FOXP1: variants seen among roughly 807,000 people sequenced by gnomAD.
The protein encoded by FOXP1 is forkhead box P1.
FOXP1 carries 15 observed loss-of-function variants against 98.2 expected under a neutral mutation model. The ratio of observed to expected loss-of-function variants is 0.15; its 90% CI spans 0.10 to 0.24. The LOEUF (loss-of-function observed/expected upper bound fraction) is 0.24, where lower values mean the gene tolerates loss of function less well. Ranked by LOEUF, FOXP1 falls within the 10% of genes least tolerant of loss-of-function variation. The probability of loss-of-function intolerance (pLI) is 1.00; values close to 1 mark genes in which losing one functional copy is unlikely to be tolerated. For missense variants in FOXP1, 633 were observed against 848.5 expected (o/e 0.75, Z 3.15); for synonymous variants, 371 against 314.5 (o/e 1.18, Z -1.90).
chr3:71,088,589 T>C (rs142885878), intron 7 of FOXP1, among the ~76,000 whole-genome samples: 1,621 of 152,278 alleles, frequency 0.011, 11 homozygotes, highest in Non-Finnish European at 0.017. Context: ...AAGGATCTCA[T>C]TATTTTTCTT....
At chr3:71,093,572 T>A (rs1163156662) in intron 7 of FOXP1, among the ~76,000 whole-genome samples, 1 of 149,562 alleles carries the variant, frequency 6.7e-6, no homozygotes, top group East Asian at 2.1e-4. Flanking sequence ...CATATTATAA[T>A]TCTCTGTTCA....
chr3:70,970,876 T>TTAAGCTTGC, intron 18 of FOXP1, 71 bp from the exon 19 acceptor site: 1 of 1,232,516 alleles, frequency 8.1e-7, no homozygotes, highest in Non-Finnish European at 1.2e-6. Context: ...AAGTTTTGTT[T>TTAAGCTTGC]TAAGCTTGCT....
intron 7 of FOXP1, among the ~76,000 whole-genome samples, chr3:71,064,065 T>TCCAAAC (rs1450574646): frequency 2.6e-5 from 4 of 152,072 alleles, no homozygotes; most frequent in South Asian, 4.1e-4. Flanking sequence ...CTGCTGCACG[T>TCCAAAC]CCAAACCCAA....
rs545709406 is a variant in FOXP1 at position 71,198,127 on chromosome 3, C to T, written c.180+75G>A. 8.2e-5 allele frequency: 132 copies of T among 1,613,114 alleles called. No homozygotes were observed. The South Asian group carries it at 1.1e-3, about 13-fold the overall frequency. ...GAACACAAAACACTGATCGCGAGAT[C>T]GCGATTAAGTGTAAAATTCAGCAGT... On this transcript the variant is annotated intron_variant, in intron 6 of 20. Transcript: ENST00000649528.
intron 6 of FOXP1, among the ~76,000 whole-genome samples, chr3:71,116,847 A>G (rs1189225963): frequency 6.6e-6 from 1 of 152,260 alleles, no homozygotes; most frequent in African/African-American, 2.4e-5. Context: ...TGGGCATTAT[A>G]ATACAAATCT....
At chr3:71,226,063 AGAGAAAAAACTTCT>A in intron 5 of FOXP1, among the ~76,000 whole-genome samples, 2 of 152,368 alleles carry the variant, frequency 1.3e-5, no homozygotes, top group South Asian at 4.1e-4. Context: ...AGACAGGGGC[AGAGAAAAAACTTCT>A]GAGACACTAC....
intron 2 of FOXP1, among the ~76,000 whole-genome samples, chr3:71,533,934 T>A (rs913035206): frequency 6.6e-6 from 1 of 152,148 alleles, no homozygotes; most frequent in Non-Finnish European, 1.5e-5. Context: ...AGCCTTGGTG[T>A]CACGGGAAGC....
intron 4 of FOXP1, among the ~76,000 whole-genome samples, chr3:71,325,112 G>A (rs2107686710): frequency 6.6e-6 from 1 of 150,650 alleles, no homozygotes; most frequent in East Asian, 2.0e-4. Context: ...GAGTGCAATG[G>A]CTCCATCTCA....
intron 4 of FOXP1, among the ~76,000 whole-genome samples, chr3:71,358,862 T>A (rs928300386): frequency 6.6e-6 from 1 of 152,162 alleles, no homozygotes; most frequent in African/African-American, 2.4e-5. Context: ...ACTGTATGGC[T>A]CATGAGGATG....
chr3:71,125,411 A>G (rs931051869), intron 6 of FOXP1, among the ~76,000 whole-genome samples: 7 of 152,220 alleles, frequency 4.6e-5, no homozygotes, highest in African/African-American at 1.4e-4. Flanking sequence ...CTTGCTTGAC[A>G]TGACCGATTA....
chr3:71,508,317 G>T (rs2041971445), intron 2 of FOXP1, among the ~76,000 whole-genome samples: 1 of 152,216 alleles, frequency 6.6e-6, no homozygotes, highest in Non-Finnish European at 1.5e-5. Context: ...GAGGAAATTT[G>T]GGGGACAAAG....
chr3:71,435,807 C>G (rs145070939), intron 3 of FOXP1, among the ~76,000 whole-genome samples: 7 of 36,110 alleles, frequency 1.9e-4, no homozygotes, highest in Admixed American at 4.9e-4. Flanking sequence ...GAGGGAGGGA[C>G]GGAGGGAGGG....
chr3:71,574,091 A>C (rs779272634), intron 2 of FOXP1: 1 of 152,212 alleles, frequency 6.6e-6, no homozygotes, highest in Non-Finnish European at 1.5e-5. Context: ...CTACTTTTAA[A>C]ATTTGGCCCA....
At chr3:71,135,006 C>A (rs1441506665) in intron 6 of FOXP1, among the ~76,000 whole-genome samples, 3 of 152,124 alleles carry the variant, frequency 2.0e-5, no homozygotes, top group Non-Finnish European at 4.4e-5. Flanking sequence ...CGCCTGTAAT[C>A]CCAGCACTTT....
intron 4 of FOXP1, among the ~76,000 whole-genome samples, chr3:71,324,678 A>T (rs1040964993): frequency 4.6e-5 from 7 of 152,132 alleles, no homozygotes; most frequent in Non-Finnish European, 1.0e-4. Flanking sequence ...TGACAAGTTA[A>T]TGGGTGCAGC....
intron 5 of FOXP1, among the ~76,000 whole-genome samples, chr3:71,216,147 A>G (rs534826862): frequency 5.1e-4 from 78 of 152,304 alleles, no homozygotes; most frequent in African/African-American, 6.7e-4. Flanking sequence ...CCACCCCAGG[A>G]GCAGAGGCGC....
chr3:71,547,647 T>C (rs1394726259), intron 2 of FOXP1, among the ~76,000 whole-genome samples: 1 of 152,230 alleles, frequency 6.6e-6, no homozygotes, highest in African/African-American at 2.4e-5. Context: ...CAGAGAAGAA[T>C]GTGAACACAC....
chr3:71,534,083 G>A (rs891536544), intron 2 of FOXP1, among the ~76,000 whole-genome samples: 1 of 152,204 alleles, frequency 6.6e-6, no homozygotes, highest in Non-Finnish European at 1.5e-5. Context: ...CTCAAAGGCA[G>A]CTGTGCGCGG....
chr3:71,111,783 A>T (rs955244422), intron 7 of FOXP1, among the ~76,000 whole-genome samples: 14 of 152,218 alleles, frequency 9.2e-5, no homozygotes, highest in African/African-American at 3.4e-4. Flanking sequence ...AAGTTGCTAG[A>T]ACAACCATTT....
Sources: allele counts gnomAD v4.1 joint callset (sites outside exome capture counted in the v4.1 genomes callset), GRCh38; gene constraint gnomAD v4.1.1; transcripts MANE v1.5; gene names NCBI Gene and HGNC (gene_info 2026-07-23, HGNC 2026-07-21).